The following CDH13 variants were observed in gnomAD, a reference collection of about 807,000 sequenced individuals.
CDH13 encodes cadherin 13.
In CDH13, 24 loss-of-function variants were observed where a neutral mutation model predicts 63.8. The observed-to-expected ratio is 0.38, with a 90% CI of 0.27 to 0.53. The LOEUF (loss-of-function observed/expected upper bound fraction) is 0.53. Among genes scored for constraint, CDH13 ranks in the 20% least tolerant of loss-of-function variants. The pLI is 0.85. For missense variants in CDH13, 1,049 were observed against 903.1 expected (o/e 1.16, Z -2.07); for synonymous variants, 503 against 355.3 (o/e 1.42, Z -4.67).
At chr16:83,457,666 G>A (rs1598065400) in intron 6 of CDH13, among the ~76,000 whole-genome samples, 1 of 152,024 alleles carries the variant, frequency 6.6e-6, no homozygotes. Flanking sequence ...TTCAGGGCTT[G>A]AGGCTGAAAG....
intron 3 of CDH13, among the ~76,000 whole-genome samples, chr16:83,085,623 T>C (rs530660987): frequency 1.3e-4 from 20 of 152,216 alleles, no homozygotes; most frequent in Non-Finnish European, 2.5e-4. Context: ...CAAAGGAGGC[T>C]GACACAGCAA....
intron 6 of CDH13, among the ~76,000 whole-genome samples, chr16:83,404,589 G>A (rs888044594): frequency 4.6e-5 from 7 of 152,120 alleles, no homozygotes; most frequent in Admixed American, 4.6e-4. Flanking sequence ...GTACCATATG[G>A]CATAGATGTG....
At chr16:82,639,510 C>T (rs1887591014) in intron 1 of CDH13, 1 of 1,304,004 alleles carries the variant, frequency 7.7e-7, no homozygotes, top group Non-Finnish European at 1.1e-6. Flanking sequence ...TGGAATTCTT[C>T]CCTAGGGATG....
chr16:82,662,394 G>A (rs1912055988), intron 1 of CDH13, among the ~76,000 whole-genome samples: 1 of 152,216 alleles, frequency 6.6e-6, no homozygotes, highest in South Asian at 2.1e-4. Context: ...CAATGAGCAT[G>A]TGTTACTGTT....
chr16:83,501,559 G>A (rs2074284396), intron 7 of CDH13, among the ~76,000 whole-genome samples: 1 of 152,268 alleles, frequency 6.6e-6, no homozygotes, highest in East Asian at 1.9e-4. Context: ...AACAATTACG[G>A]CGTTTTTTCA....
intron 6 of CDH13, among the ~76,000 whole-genome samples, chr16:83,420,939 C>T (rs1409616011): frequency 1.3e-5 from 2 of 152,168 alleles, no homozygotes; most frequent in Admixed American, 1.3e-4. Flanking sequence ...GACGGAAGAC[C>T]CAGCAAGCAA....
chr16:83,352,401 G>A (rs1428788164), intron 6 of CDH13, among the ~76,000 whole-genome samples: 1 of 152,148 alleles, frequency 6.6e-6, no homozygotes, highest in Non-Finnish European at 1.5e-5. Context: ...ATGGAAAGGA[G>A]GATGGATAGT....
intron 6 of CDH13, among the ~76,000 whole-genome samples, chr16:83,387,337 T>C (rs946884374): frequency 6.6e-6 from 1 of 152,218 alleles, no homozygotes; most frequent in African/African-American, 2.4e-5. Flanking sequence ...TGAGAACTAA[T>C]TGCCTGCAGC....
chr16:82,904,856 T>A (rs899686936), intron 2 of CDH13, among the ~76,000 whole-genome samples: 1 of 149,802 alleles, frequency 6.7e-6, no homozygotes, highest in Non-Finnish European at 1.5e-5. Flanking sequence ...ACATTTGAAC[T>A]AAATGAACCT....
chr16:83,510,260 T>C (rs1029691131), intron 7 of CDH13, among the ~76,000 whole-genome samples: 9 of 152,276 alleles, frequency 5.9e-5, no homozygotes, highest in Non-Finnish European at 1.2e-4. Context: ...GTGTAATTTT[T>C]TTGCTCTCCG....
Position 83,098,949 on chromosome 16 carries a change from T to C in CDH13, c.367-26436T>C, listed in dbSNP as rs564116914. ...GCCTGATAATAACAATCTCTTCAGG[T>C]ACAGGACAAATGTCATGACAGAATG... is the stretch of plus-strand genomic sequence containing the variant. On this transcript the variant is annotated intron_variant, in intron 3 of 13. Transcript: ENST00000567109. Among the ~76,000 whole-genome samples, 12 of 152,262 alleles carry C rather than the reference T, an allele frequency of 7.9e-5. No individual in the cohort carries two copies. The South Asian group carries it at 2.5e-3, about 32-fold the overall frequency.
intron 7 of CDH13, among the ~76,000 whole-genome samples, chr16:83,541,875 T>C (rs2075301877): frequency 6.6e-6 from 1 of 152,236 alleles, no homozygotes; most frequent in African/African-American, 2.4e-5. Context: ...GCTTGCATCA[T>C]AGCTTTAGAA....
intron 2 of CDH13, among the ~76,000 whole-genome samples, chr16:82,933,216 A>G (rs887154811): frequency 2.0e-5 from 3 of 152,216 alleles, no homozygotes; most frequent in Admixed American, 2.0e-4. Context: ...ATGGTTTTGC[A>G]TGGCTGGTGA....
chr16:83,512,498 T>C (rs909210029), intron 7 of CDH13, among the ~76,000 whole-genome samples: 4 of 150,248 alleles, frequency 2.7e-5, no homozygotes, highest in African/African-American at 9.8e-5. Context: ...ATGAAACCGA[T>C]CTCTACTAAA....
At position 82,911,876 on chromosome 16, in the gene CDH13, T is replaced by A. The variant is rs1344423841; in HGVS notation, c.157+53403T>A. Among the ~76,000 whole-genome samples the A allele has an allele frequency of 2.6e-5, 4 of 152,128 alleles. No individual in the cohort carries two copies. The East Asian group carries it at 7.8e-4, about 29-fold the overall frequency. On this transcript the variant is annotated intron_variant, in intron 2 of 13. Transcript: ENST00000567109. ...TTGAGCTGAGGGCACCTGCTCCTAC[T>A]GGCTTCCTGGAGCCTTAGACGCACC...
intron 7 of CDH13, among the ~76,000 whole-genome samples, chr16:83,511,215 A>T (rs556889195): frequency 1.3e-5 from 2 of 152,358 alleles, no homozygotes; most frequent in African/African-American, 4.8e-5. Context: ...TGATCCCAAC[A>T]CTTTGGGAGG....
chr16:83,797,154 C>G lies in CDH13; in HGVS notation c.*2124C>G, dbSNP rs1186550259. The G allele has an allele frequency of 6.6e-6, 1 of 152,260 alleles. No individual in the cohort carries two copies. The highest frequency in any genetic ancestry group is 1.5e-5 in the Non-Finnish European group (1 of 68,058). 9.4% of individuals were successfully genotyped at this position (152,260 alleles called of 1,614,324 possible). A position where few individuals can be genotyped will look rare whatever the true frequency, so the allele number is the denominator to read the frequency against. On this transcript the variant is annotated 3_prime_UTR_variant, in exon 14 of 14. Transcript: ENST00000567109. ...CAGGGGGAGAACGTTCATCCTTGAA[C>G]AAACAAAGAGCATCCTCAGCCAGTC...
At chr16:82,821,440 G>A (rs2037996499) in intron 1 of CDH13, among the ~76,000 whole-genome samples, 1 of 152,162 alleles carries the variant, frequency 6.6e-6, no homozygotes, top group Admixed American at 6.5e-5. Context: ...CAGCCTTAGG[G>A]TGAGCTCTGT....
chr16:83,784,357 C>A (rs1915735202), intron 13 of CDH13, among the ~76,000 whole-genome samples: 1 of 152,074 alleles, frequency 6.6e-6, no homozygotes, highest in Non-Finnish European at 1.5e-5. Flanking sequence ...AAGGGCCAGG[C>A]ACGGTGGCTC....
Sources: gnomAD v4.1 joint callset for allele counts (sites outside exome capture counted in the v4.1 genomes callset) on GRCh38, gnomAD v4.1.1 for gene constraint, MANE v1.5 for transcripts, NCBI Gene and HGNC (gene_info 2026-07-23, HGNC 2026-07-21) for gene names.